Variants in UNC5C observed in about 807,000 individuals in gnomAD.
UNC5C encodes the protein netrin receptor UNC5C.
In UNC5C, 47 loss-of-function variants were observed where a neutral mutation model predicts 99.8. That is an observed-to-expected ratio of 0.47 (90% CI 0.37 to 0.60). The LOEUF (loss-of-function observed/expected upper bound fraction) is 0.60, where lower values mean the gene tolerates loss of function less well. UNC5C is among the 20% of genes least tolerant of loss of function. UNC5C has a pLI of 0.00. For missense variants in UNC5C, 1,062 were observed against 1,165.9 expected (o/e 0.91, Z 1.30); for synonymous variants, 487 against 452.2 (o/e 1.08, Z -0.98).
intron 2 of UNC5C, among the ~76,000 whole-genome samples, chr4:95,309,136 T>C (rs1330541490): frequency 6.6e-6 from 1 of 152,138 alleles, no homozygotes; most frequent in Non-Finnish European, 1.5e-5. Flanking sequence ...CATATGTTTA[T>C]GGTCAATTGA....
In UNC5C at chr4:95,318,845, A is replaced by G. The variant is rs558587385; in HGVS notation, c.346+16565T>C. Among the ~76,000 whole-genome samples, 29 of 152,366 alleles carry G rather than the reference A, an allele frequency of 1.9e-4. No homozygotes were observed. In the South Asian group the frequency reaches 6.0e-3, roughly 32 times the overall value. On this transcript the variant is annotated intron_variant, in intron 2 of 15. Coordinates refer to ENST00000453304, the MANE Select transcript of UNC5C (RefSeq NM_003728.4). ...GCAGAGACAGGGGAAAGGATATTGA[A>G]GAAAGCAGGAGCTCTATCCATGTAA... is the stretch of plus-strand genomic sequence containing the variant.
chr4:95,349,334 T>G (rs1453528859), intron 1 of UNC5C, among the ~76,000 whole-genome samples: 9 of 132,686 alleles, frequency 6.8e-5, no homozygotes, highest in African/African-American at 2.2e-4. Context: ...TGTGTGTGTG[T>G]GTGTGTGGGT....
intron 2 of UNC5C, among the ~76,000 whole-genome samples, chr4:95,334,227 G>A (rs1011249279): frequency 6.6e-6 from 1 of 151,774 alleles, no homozygotes; most frequent in Non-Finnish European, 1.5e-5. Context: ...TTATCTTGTC[G>A]GAGATCTTGA....
At chr4:95,370,571 C>T (rs1261011579) in intron 1 of UNC5C, among the ~76,000 whole-genome samples, 1 of 152,084 alleles carries the variant, frequency 6.6e-6, no homozygotes, top group Non-Finnish European at 1.5e-5. Context: ...AAAGTAGAGC[C>T]TACATGAAAA....
chr4:95,480,007 T>C lies in UNC5C; in HGVS notation c.124+68727A>G, dbSNP rs948750117. ...TGAGCTGGGACATTAGTTCTGCCAC[T>C]GGATTCTGACATGGACTTAGACTGG... On this transcript the variant is annotated intron_variant, in intron 1 of 15. Transcript: ENST00000453304. 3.3e-5 allele frequency among the ~76,000 whole-genome samples: 5 copies of C among 151,692 alleles called. No individual in the cohort carries two copies. In the East Asian group the frequency reaches 7.8e-4, roughly 24 times the overall value.
intron 14 of UNC5C, among the ~76,000 whole-genome samples, chr4:95,172,777 A>G (rs1008472350): frequency 6.6e-6 from 1 of 152,100 alleles, no homozygotes; most frequent in Non-Finnish European, 1.5e-5. Flanking sequence ...TTCTGTGAAG[A>G]AAGTCATTGG....
intron 10 of UNC5C, among the ~76,000 whole-genome samples, chr4:95,212,104 A>G (rs921399593): frequency 1.3e-5 from 2 of 152,212 alleles, no homozygotes; most frequent in Admixed American, 1.3e-4. Flanking sequence ...TTACCTACAT[A>G]GGGAATTTTG....
At chr4:95,264,073 A>C (rs1740343910) in intron 4 of UNC5C, among the ~76,000 whole-genome samples, 1 of 152,188 alleles carries the variant, frequency 6.6e-6, no homozygotes. Flanking sequence ...ATAACTGAAC[A>C]CTGTGGTTTG....
At chr4:95,204,666 C>T (rs1737810635) in intron 11 of UNC5C, among the ~76,000 whole-genome samples, 1 of 152,232 alleles carries the variant, frequency 6.6e-6, no homozygotes, top group Non-Finnish European at 1.5e-5. Flanking sequence ...CTGTCAGAGA[C>T]AAGAGTCAGT....
At chr4:95,327,468 C>A (rs945773250) in intron 2 of UNC5C, among the ~76,000 whole-genome samples, 3 of 152,004 alleles carry the variant, frequency 2.0e-5, no homozygotes, top group Non-Finnish European at 4.4e-5. Flanking sequence ...GAGCTGTCAA[C>A]TGCTTGTTAT....
chr4:95,301,611 A>G lies in UNC5C; in HGVS notation c.485T>C (p.Ile162Thr), dbSNP rs771218278. The part of the protein sequence containing the change: ...TTKSRKAYVR[I>T]AYLRKTFEQE... ...CTTATTGTACAATGACTCACATGCA[A>G]TGCGCACATACGCCTTCCGGCTCTT... is the stretch of plus-strand genomic sequence containing the variant. The change falls in exon 3 of 16, where the codon ATT (isoleucine) becomes ACT (threonine). Residue 162 changes from isoleucine (I) to threonine (T), a missense_variant. Around this residue, in one of 3 missense-constraint regions of UNC5C, gnomAD observed 249 missense variants for 295.1 expected, o/e 0.84. Transcript: ENST00000453304. The G allele has an allele frequency of 3.1e-6, 5 of 1,614,034 alleles. No individual in the cohort carries two copies. The highest frequency in any genetic ancestry group is 3.4e-6 in the Non-Finnish European group (4 of 1,180,002).
At chr4:95,478,178 C>T (rs1201226886) in intron 1 of UNC5C, among the ~76,000 whole-genome samples, 2 of 151,844 alleles carry the variant, frequency 1.3e-5, no homozygotes, top group African/African-American at 4.8e-5. Flanking sequence ...TTTATTTTTG[C>T]TTCTCAAGCT....
chr4:95,365,438 T>TA (rs34537756), intron 1 of UNC5C, among the ~76,000 whole-genome samples: 34,044 of 148,004 alleles, frequency 0.23, 4,040 homozygotes, highest in Admixed American at 0.26. Context: ...ATAAATAATG[T>TA]AAAAATATAA....
intron 1 of UNC5C, among the ~76,000 whole-genome samples, chr4:95,355,621 C>G (rs1401388066): frequency 6.6e-6 from 1 of 151,918 alleles, no homozygotes; most frequent in East Asian, 1.9e-4. Flanking sequence ...ACCCCCCCAG[C>G]ATGAAACAGA....
At chr4:95,384,109 G>A (rs1159705434) in intron 1 of UNC5C, among the ~76,000 whole-genome samples, 1 of 152,146 alleles carries the variant, frequency 6.6e-6, no homozygotes, top group African/African-American at 2.4e-5. Context: ...GTAATAACTA[G>A]GATGCTATGT....
chr4:95,468,702 G>C (rs1747874109), intron 1 of UNC5C, among the ~76,000 whole-genome samples: 1 of 152,050 alleles, frequency 6.6e-6, no homozygotes, highest in South Asian at 2.1e-4. Flanking sequence ...CTTTACCATA[G>C]AGGACTATGT....
chr4:95,529,091 A>G (rs569243481), intron 1 of UNC5C, among the ~76,000 whole-genome samples: 159 of 151,820 alleles, frequency 1.0e-3, no homozygotes, highest in South Asian at 4.8e-3. Context: ...ATATTTTATC[A>G]TCCTGACAAG....
In UNC5C at chr4:95,219,210, A is replaced by C; in HGVS notation, c.1404T>G (p.Ser468=). ...GGTTGGGCAGTGGATCCAGAATTGGAGAGTTGGTCATTGGGATTTTGTCTG... is the reference window on the plus strand; with the variant it reads ...GGTTGGGCAGTGGATCCAGAATTGGCGAGTTGGTCATTGGGATTTTGTCTG... ...DVSDKIPMTN[S]PILDPLPNLK... Residue 468 remains serine (S), a synonymous_variant, in exon 9 of 16, where the codon TCT becomes TCG. Coordinates refer to ENST00000453304, the MANE Select transcript of UNC5C (RefSeq NM_003728.4). The C allele has an allele frequency of 6.2e-7, 1 of 1,614,150 alleles. No homozygotes were observed. The highest frequency in any genetic ancestry group is 8.5e-7 in the Non-Finnish European group (1 of 1,180,016).
intron 1 of UNC5C, among the ~76,000 whole-genome samples, chr4:95,450,817 CA>C (rs1169634152): frequency 6.6e-6 from 1 of 152,128 alleles, no homozygotes; most frequent in Non-Finnish European, 1.5e-5. Context: ...TGTCTTAAAT[CA>C]TTCAAGAAAT....
Sources: gnomAD v4.1 joint callset for allele counts (sites outside exome capture counted in the v4.1 genomes callset) on GRCh38, gnomAD v4.1.1 for gene constraint, gnomAD v4.1.1 regional missense constraint, MANE v1.5 for transcripts, NCBI Gene and HGNC (gene_info 2026-07-23, HGNC 2026-07-21) for gene names.